The following OGFOD1 variants were observed in gnomAD, a reference collection of about 807,000 sequenced individuals.
OGFOD1 encodes 2-oxoglutarate and iron dependent oxygenase domain containing 1.
OGFOD1 carries 54 observed loss-of-function variants against 67.7 expected under a neutral mutation model. The ratio of observed to expected loss-of-function variants is 0.80; its 90% CI spans 0.64 to 1.00. The LOEUF is 1.00. Among genes scored for constraint, OGFOD1 ranks in the 50% least tolerant of loss-of-function variants. The pLI is 0.00. For synonymous variants in OGFOD1, 221 were observed against 227.0 expected, an observed-to-expected ratio of 0.97 and a Z score of 0.24; for missense variants, 606 against 646.7, an observed-to-expected ratio of 0.94 and a Z score of 0.68.
chr16:56,459,304 G>A (rs1962634863), intron 3 of OGFOD1, among the ~76,000 whole-genome samples: 1 of 150,786 alleles, frequency 6.6e-6, no homozygotes, highest in South Asian at 2.1e-4. Flanking sequence ...CGAGCCCGTT[G>A]CACTCCAGCC....
Position 56,462,647 on chromosome 16 carries a change from A to G in OGFOD1, c.448+13A>G. The G allele has an allele frequency of 6.8e-7, 1 of 1,470,434 alleles. No homozygotes were observed. The highest frequency in any genetic ancestry group is 1.1e-5 in the South Asian group (1 of 88,236). 91.1% of individuals were successfully genotyped at this position (1,470,434 alleles called of 1,614,324 possible). On this transcript the variant is annotated intron_variant, in intron 4 of 12. Coordinates refer to ENST00000566157, the MANE Select transcript of OGFOD1 (RefSeq NM_018233.4). Reference sequence around the variant, plus strand: ...TATGAATTCACTGGTAAGGAAGATAAAGGCCTGGTGTCTGTAAGATATAAA... The same window carrying G: ...TATGAATTCACTGGTAAGGAAGATAGAGGCCTGGTGTCTGTAAGATATAAA...
chr16:56,454,418 T>C (rs1168959747), intron 2 of OGFOD1, among the ~76,000 whole-genome samples: 1 of 151,856 alleles, frequency 6.6e-6, no homozygotes, highest in Non-Finnish European at 1.5e-5. Context: ...ATGCTCTACA[T>C]TGCAGTAGGG....
intron 4 of OGFOD1, chr16:56,465,932 A>G: frequency 2.4e-6 from 1 of 424,624 alleles, no homozygotes; most frequent in South Asian, 3.6e-5. Flanking sequence ...TTATATCTGG[A>G]TCTATCTAAT....
At chr16:56,472,200 G>A (rs1305414720) in intron 10 of OGFOD1, among the ~76,000 whole-genome samples, 1 of 151,824 alleles carries the variant, frequency 6.6e-6, no homozygotes, top group African/African-American at 2.4e-5. Context: ...AAACCCCTAG[G>A]CTCAAGTAAT....
intron 3 of OGFOD1, among the ~76,000 whole-genome samples, chr16:56,460,489 TCA>T (rs758169656): frequency 2.8e-4 from 43 of 152,260 alleles, no homozygotes; most frequent in Non-Finnish European, 5.1e-4. Context: ...TATTTATCTC[TCA>T]CATTATCTGA....
chr16:56,470,659 A>T lies in OGFOD1; in HGVS notation c.1153A>T (p.Thr385Ser). Reference protein sequence around the residue: ...EMNDKKEAETTDITEEGTSHS... With the variant: ...EMNDKKEAETSDITEEGTSHS... Reference sequence around the variant, plus strand: ...GAATGATAAAAAAGAGGCAGAAACCACTGATATCACTGAAGAAGGGACTAG... The same window carrying T: ...GAATGATAAAAAAGAGGCAGAAACCTCTGATATCACTGAAGAAGGGACTAG... Residue 385 changes from threonine (T) to serine (S), a missense_variant, in exon 10 of 13, where the codon ACT (threonine) becomes TCT (serine). Transcript: ENST00000566157. The T allele has an allele frequency of 6.2e-7, 1 of 1,614,184 alleles. No homozygotes were observed. The highest frequency in any genetic ancestry group is 8.5e-7 in the Non-Finnish European group (1 of 1,180,038).
chr16:56,468,607 TC>T (rs1963003326), intron 8 of OGFOD1, among the ~76,000 whole-genome samples: 3 of 151,834 alleles, frequency 2.0e-5, no homozygotes, highest in Admixed American at 2.0e-4. Context: ...GCACCTGTAA[TC>T]CCAGCTACTC....
In OGFOD1 at chr16:56,474,812, T is replaced by C; in HGVS notation, c.1286-16T>C. On this transcript the variant is annotated splice_polypyrimidine_tract_variant and intron_variant, in intron 10 of 12. Coordinates refer to ENST00000566157, the MANE Select transcript of OGFOD1 (RefSeq NM_018233.4). ...GGTTATTTTTTAAAGTTTCTCATCT[T>C]TTTTTTTTTCCTTAGAATCAAGTGT... The C allele has an allele frequency of 6.4e-7, 1 of 1,555,212 alleles. No homozygotes were observed. Among genetic ancestry groups the C allele is most frequent in the Non-Finnish European group, 8.7e-7 (1 of 1,151,172 alleles).
intron 11 of OGFOD1, among the ~76,000 whole-genome samples, chr16:56,475,289 A>G (rs1963406955): frequency 6.6e-6 from 1 of 152,206 alleles, no homozygotes; most frequent in African/African-American, 2.4e-5. Flanking sequence ...TTGAAATAAG[A>G]CTGCATTTCA....
At position 56,474,863 on chromosome 16, in the gene OGFOD1, C is replaced by T. The variant is rs145889680; in HGVS notation, c.1321C>T (p.His441Tyr). 1.7e-3 allele frequency: 2,776 copies of T among 1,612,796 alleles called. 3 individuals are homozygous for T. The highest frequency in any genetic ancestry group is 3.0e-3 in the Admixed American group (181 of 59,942). Residue 441 changes from histidine to tyrosine, a missense_variant, in exon 11 of 13, where the codon CAT becomes TAT. By Grantham distance (83) the His-to-Tyr change is moderately conservative. Transcript: ENST00000566157. ...TCCCATGTGCCAAGGGGAACTGAGG[C>T]ATTGGAAGACCGGTCACTACACTTT... Reference protein sequence around the residue: ...SVPMCQGELRHWKTGHYTLIH... With the variant: ...SVPMCQGELRYWKTGHYTLIH...
chr16:56,467,779 C>T (rs1204172565), intron 7 of OGFOD1, 126 bp from the exon 8 acceptor site: 1 of 672,658 alleles, frequency 1.5e-6, no homozygotes, highest in East Asian at 2.7e-5. Flanking sequence ...CAGAGTTTTC[C>T]AGTACTTTAA....
chr16:56,469,798 C>A (rs565126462), intron 8 of OGFOD1, among the ~76,000 whole-genome samples: 1 of 138,296 alleles, frequency 7.2e-6, no homozygotes, highest in South Asian at 2.3e-4. Context: ...TGTGGTGGGC[C>A]GAGATCACGC....
At chr16:56,466,852 T>C in intron 5 of OGFOD1, 24 bp from the exon 6 acceptor site, 1 of 1,548,850 alleles carries the variant, frequency 6.5e-7, no homozygotes, top group Non-Finnish European at 8.9e-7. Flanking sequence ...TGATAATTTA[T>C]TGATGTGTTC....
rs192306503 is a variant in OGFOD1 at position 56,452,402 on chromosome 16, T to G, written c.154+636T>G. On this transcript the variant is annotated intron_variant, in intron 1 of 12. Transcript: ENST00000566157. ...CCATGATGTATGAAAATAAACGCGC[T>G]TTGACCAAGGAAAGGCGCCTACGTT... Among the ~76,000 whole-genome samples the G allele has an allele frequency of 2.9e-3, 436 of 152,274 alleles. 2 individuals are homozygous for G. The highest frequency in any genetic ancestry group is 0.01 in the African/African-American group (417 of 41,552).
chr16:56,457,122 TAAA>T (rs1962549086), intron 2 of OGFOD1, among the ~76,000 whole-genome samples: 1 of 152,200 alleles, frequency 6.6e-6, no homozygotes, highest in South Asian at 2.1e-4. Context: ...TATGTTCACA[TAAA>T]AACTTGTGCA....
At chr16:56,461,171 C>T (rs1444021914) in intron 3 of OGFOD1, among the ~76,000 whole-genome samples, 2 of 152,212 alleles carry the variant, frequency 1.3e-5, no homozygotes, top group East Asian at 3.8e-4. Flanking sequence ...TATATTTGGT[C>T]TTGGTCTCTA....
At position 56,466,606 on chromosome 16, in the gene OGFOD1, G is replaced by A. The variant is rs551013159; in HGVS notation, c.566-270G>A. Among the ~76,000 whole-genome samples, 77 of 152,266 alleles carry A rather than the reference G, an allele frequency of 5.1e-4. 2 individuals are homozygous for A. The Middle Eastern group carries it at 0.031, about 61-fold the overall frequency. On this transcript the variant is annotated intron_variant, in intron 5 of 12. Transcript: ENST00000566157. ...GACCAGTCCATTTGACAAAGTCTAG[G>A]TTTTTTTGAATGTCTAGCACCAGAA...
chr16:56,469,850 CAAAAAAAAA>C (rs751278368), intron 8 of OGFOD1, among the ~76,000 whole-genome samples, 144 bp from the exon 9 acceptor site: 1 of 53,322 alleles, frequency 1.9e-5, no homozygotes, highest in African/African-American at 7.2e-5. Context: ...AACTCCATCT[CAAAAAAAAA>C]AAAAAAAAAA....
chr16:56,473,017 G>A (rs1342715251), intron 10 of OGFOD1, among the ~76,000 whole-genome samples: 3 of 152,062 alleles, frequency 2.0e-5, no homozygotes, highest in Non-Finnish European at 4.4e-5. Context: ...TGCTACCTCC[G>A]TCTTCCGGGT....
Sources: allele counts gnomAD v4.1 joint callset (sites outside exome capture counted in the v4.1 genomes callset), GRCh38; gene constraint gnomAD v4.1.1; transcripts MANE v1.5; gene names NCBI Gene and HGNC (gene_info 2026-07-23, HGNC 2026-07-21).